The following CPED1 variants were observed in gnomAD, a reference collection of about 807,000 sequenced individuals.
CPED1 encodes cadherin-like and PC-esterase domain-containing protein 1.
Under a neutral mutation model 128.2 loss-of-function variants are expected in CPED1, and 114 were observed. The ratio of observed to expected loss-of-function variants is 0.89; its 90% CI spans 0.76 to 1.04. The LOEUF is 1.04. Ranked by LOEUF, CPED1 falls within the 50% of genes least tolerant of loss-of-function variation. The probability of loss-of-function intolerance (pLI) is 0.00; values close to 1 mark genes in which losing one functional copy is unlikely to be tolerated. For synonymous variants in CPED1, 462 were observed against 426.7 expected (o/e 1.08, Z -1.02); for missense variants, 1,211 against 1,207.1 (o/e 1.00, Z -0.05).
At chr7:121,242,847 C>A (rs1329179271) in intron 17 of CPED1, among the ~76,000 whole-genome samples, 1 of 152,028 alleles carries the variant, frequency 6.6e-6, no homozygotes, top group Non-Finnish European at 1.5e-5. Flanking sequence ...GTTTCTCTCT[C>A]TTAATATACC....
intron 16 of CPED1, among the ~76,000 whole-genome samples, chr7:121,226,753 T>C (rs985753592): frequency 2.0e-5 from 3 of 152,102 alleles, no homozygotes; most frequent in Non-Finnish European, 4.4e-5. Context: ...TTGGGATAAA[T>C]GTGATATCTC....
intron 16 of CPED1, among the ~76,000 whole-genome samples, chr7:121,144,803 A>C (rs1043182042): frequency 1.3e-5 from 2 of 152,072 alleles, no homozygotes; most frequent in African/African-American, 4.8e-5. Flanking sequence ...TCCCATAAAT[A>C]TATACAACTA....
chr7:121,159,877 A>G (rs770917716), intron 16 of CPED1, among the ~76,000 whole-genome samples: 42 of 152,220 alleles, frequency 2.8e-4, no homozygotes, highest in Non-Finnish European at 5.1e-4. Context: ...GATACTGTTC[A>G]AACCAAATAC....
At chr7:121,271,132 C>T (rs989490538) in intron 21 of CPED1, 152 bp from the exon 22 acceptor site, 1 of 549,302 alleles carries the variant, frequency 1.8e-6, no homozygotes, top group African/African-American at 1.9e-5. Flanking sequence ...AATTAGAACA[C>T]ATCTTTATTT....
chr7:121,097,671 T>C (rs771488084), intron 5 of CPED1, 28 bp from the exon 6 acceptor site: 3 of 1,610,750 alleles, frequency 1.9e-6, no homozygotes, highest in South Asian at 2.2e-5. Flanking sequence ...ATAAAATGAC[T>C]GTCTTCTGCT....
intron 16 of CPED1, among the ~76,000 whole-genome samples, chr7:121,211,952 T>G (rs1054076712): frequency 6.6e-6 from 1 of 152,036 alleles, no homozygotes; most frequent in African/African-American, 2.4e-5. Flanking sequence ...CTCTTATATC[T>G]TGACATTTCT....
chr7:121,197,159 TG>T (rs1459547183), intron 16 of CPED1, among the ~76,000 whole-genome samples: 1 of 149,920 alleles, frequency 6.7e-6, no homozygotes, highest in Non-Finnish European at 1.5e-5. Flanking sequence ...CAATAAGTCC[TG>T]GTACTATTAA....
At chr7:121,251,417 G>T (rs1798670163) in intron 18 of CPED1, among the ~76,000 whole-genome samples, 1 of 152,140 alleles carries the variant, frequency 6.6e-6, no homozygotes, top group Non-Finnish European at 1.5e-5. Flanking sequence ...AGACAGGGAT[G>T]CCCTCTCTCA....
At chr7:121,100,822 G>T (rs1021500497) in intron 7 of CPED1, among the ~76,000 whole-genome samples, 3 of 152,056 alleles carry the variant, frequency 2.0e-5, no homozygotes, top group Non-Finnish European at 4.4e-5. Context: ...GACTGAACTT[G>T]ATTTTTTTCA....
chr7:121,096,935 C>A (rs1238950005), intron 5 of CPED1, among the ~76,000 whole-genome samples: 2 of 151,954 alleles, frequency 1.3e-5, no homozygotes, highest in Admixed American at 1.3e-4. Context: ...ATTACATCAA[C>A]TTTTATATTG....
intron 2 of CPED1, among the ~76,000 whole-genome samples, chr7:121,004,094 C>T (rs73723403): frequency 6.6e-6 from 1 of 152,272 alleles, no homozygotes; most frequent in African/African-American, 2.4e-5. Flanking sequence ...AGAAGTGGAG[C>T]CGATCTTTAC....
At chr7:121,053,273 T>C (rs1476608637) in intron 4 of CPED1, among the ~76,000 whole-genome samples, 1 of 152,190 alleles carries the variant, frequency 6.6e-6, no homozygotes, top group African/African-American at 2.4e-5. Context: ...CTTCATTGCA[T>C]TGAGTTTTCA....
At chr7:121,126,026 T>C (rs1420248244) in intron 9 of CPED1, 134 bp downstream of exon 9, 3 of 637,936 alleles carry the variant, frequency 4.7e-6, no homozygotes, top group Non-Finnish European at 8.4e-6. Context: ...TAGGCTTATA[T>C]TCACTGTGGT....
intron 7 of CPED1, among the ~76,000 whole-genome samples, chr7:121,111,366 T>C (rs1295375493): frequency 6.6e-6 from 1 of 152,164 alleles, no homozygotes; most frequent in Non-Finnish European, 1.5e-5. Flanking sequence ...ACTGTAGCTA[T>C]TTGCCCATCC....
chr7:121,153,872 A>G (rs1394940235), intron 16 of CPED1, among the ~76,000 whole-genome samples: 1 of 152,202 alleles, frequency 6.6e-6, no homozygotes, highest in Non-Finnish European at 1.5e-5. Flanking sequence ...TCTGGCCTAG[A>G]ATCATCAAAA....
At chr7:121,125,964 T>C (rs1795493947) in intron 9 of CPED1, 72 bp downstream of exon 9, 2 of 1,094,142 alleles carry the variant, frequency 1.8e-6, no homozygotes, top group African/African-American at 3.1e-5. Context: ...GTTGTTGTTG[T>C]TGTTTTCATT....
At chr7:121,098,855 G>A (rs1286911314) in intron 6 of CPED1, among the ~76,000 whole-genome samples, 1 of 143,170 alleles carries the variant, frequency 7.0e-6, no homozygotes, top group East Asian at 2.0e-4. Context: ...ATGTATAAAA[G>A]CACAGTCCTT....
intron 6 of CPED1, among the ~76,000 whole-genome samples, chr7:121,099,712 G>C (rs1483626841): frequency 6.6e-6 from 1 of 152,054 alleles, no homozygotes; most frequent in Non-Finnish European, 1.5e-5. Flanking sequence ...TGCCAGAGTG[G>C]GGAACTATTA....
At chr7:121,250,631 G>A (rs564695466) in intron 18 of CPED1, among the ~76,000 whole-genome samples, 2 of 152,206 alleles carry the variant, frequency 1.3e-5, no homozygotes, top group South Asian at 2.1e-4. Flanking sequence ...AATGACAAAC[G>A]GGATATCACC....
Sources: gnomAD v4.1 joint callset for allele counts (sites outside exome capture counted in the v4.1 genomes callset) on GRCh38, gnomAD v4.1.1 for gene constraint, MANE v1.5 for transcripts, NCBI Gene and HGNC (gene_info 2026-07-23, HGNC 2026-07-21) for gene names.